Variants in ME1 observed in about 807,000 individuals in gnomAD.
ME1 encodes NADP-dependent malic enzyme.
ME1 carries 74 observed loss-of-function variants against 66.4 expected under a neutral mutation model. The observed-to-expected ratio is 1.11, with a 90% CI of 0.92 to 1.35. The LOEUF (loss-of-function observed/expected upper bound fraction) is 1.35. ME1 is among the 40% of genes most tolerant of loss of function. The probability of loss-of-function intolerance (pLI) is 0.00; values close to 1 mark genes in which losing one functional copy is unlikely to be tolerated. For missense variants in ME1, 750 were observed against 694.1 expected (o/e 1.08, Z -0.90); for synonymous variants, 251 against 235.6 (o/e 1.07, Z -0.60).
At chr6:83,406,406 A>G (rs1769944588) in intron 2 of ME1, among the ~76,000 whole-genome samples, 2 of 152,198 alleles carry the variant, frequency 1.3e-5, no homozygotes, top group African/African-American at 4.8e-5. Context: ...AAGGAATGGT[A>G]CCAGCTCCTC....
At chr6:83,404,993 C>T (rs1203698378) in intron 2 of ME1, among the ~76,000 whole-genome samples, 1 of 152,154 alleles carries the variant, frequency 6.6e-6, no homozygotes, top group Non-Finnish European at 1.5e-5. Flanking sequence ...TATGCAGGCT[C>T]TTCTTTGGTT....
chr6:83,409,050 A>G (rs1339206847), intron 1 of ME1, among the ~76,000 whole-genome samples: 1 of 152,128 alleles, frequency 6.6e-6, no homozygotes, highest in African/African-American at 2.4e-5. Flanking sequence ...GGTACCTCAG[A>G]GAGCTTTTCA....
chr6:83,316,445 T>C (rs1251298143), intron 5 of ME1, among the ~76,000 whole-genome samples: 2 of 152,108 alleles, frequency 1.3e-5, no homozygotes, highest in African/African-American at 2.4e-5. Context: ...AGGACATCTA[T>C]GAAAATCCCA....
intron 5 of ME1, among the ~76,000 whole-genome samples, chr6:83,324,279 T>C (rs1768239169): frequency 6.6e-6 from 1 of 151,068 alleles, no homozygotes; most frequent in Non-Finnish European, 1.5e-5. Context: ...TTAAAAGAAC[T>C]AGAGAAGCAA....
chr6:83,374,125 G>A (rs9765912), intron 3 of ME1, among the ~76,000 whole-genome samples: 1 of 152,148 alleles, frequency 6.6e-6, no homozygotes, highest in South Asian at 2.1e-4. Context: ...CCAGAAAAGG[G>A]ATTGCTGGGT....
chr6:83,429,596 TAAAG>T (rs930839049), intron 1 of ME1, among the ~76,000 whole-genome samples: 1 of 152,202 alleles, frequency 6.6e-6, no homozygotes, highest in African/African-American at 2.4e-5. Flanking sequence ...AAATTTATTT[TAAAG>T]AAAGAAATAA....
intron 9 of ME1, among the ~76,000 whole-genome samples, chr6:83,231,375 A>C (rs1790303292): frequency 6.6e-6 from 1 of 152,216 alleles, no homozygotes; most frequent in African/African-American, 2.4e-5. Flanking sequence ...TATGACTTAC[A>C]AGTGCTGAAA....
intron 1 of ME1, among the ~76,000 whole-genome samples, chr6:83,408,776 G>A (rs759741865): frequency 2.6e-5 from 4 of 152,168 alleles, no homozygotes; most frequent in Admixed American, 6.5e-5. Flanking sequence ...TTGGGATAAG[G>A]AGTCCCTCTG....
chr6:83,429,843 A>T (rs1244650056), intron 1 of ME1, among the ~76,000 whole-genome samples: 1 of 152,208 alleles, frequency 6.6e-6, no homozygotes, highest in Non-Finnish European at 1.5e-5. Context: ...CCAAAGAGAC[A>T]ACCAAAATAA....
chr6:83,398,772 C>G (rs532923450), intron 2 of ME1, among the ~76,000 whole-genome samples: 187 of 152,132 alleles, frequency 1.2e-3, no homozygotes, highest in African/African-American at 4.4e-3. Context: ...GAGTTCAAGA[C>G]CAGCCTGGCC....
intron 5 of ME1, among the ~76,000 whole-genome samples, chr6:83,326,074 C>T (rs1446282732): frequency 3.3e-5 from 5 of 151,974 alleles, no homozygotes; most frequent in Admixed American, 2.6e-4. Flanking sequence ...TGGAACAGAA[C>T]AGAGGCCTCA....
intron 3 of ME1, among the ~76,000 whole-genome samples, chr6:83,385,909 C>CT (rs902273041): frequency 1.3e-5 from 2 of 151,706 alleles, no homozygotes; most frequent in African/African-American, 4.9e-5. Context: ...AAATCATCAT[C>CT]TATATCTCTA....
intron 1 of ME1, among the ~76,000 whole-genome samples, chr6:83,421,332 C>T (rs564534210): frequency 7.2e-5 from 11 of 152,160 alleles, no homozygotes; most frequent in Non-Finnish European, 1.2e-4. Flanking sequence ...TTTTCTTCTC[C>T]GAACTTAAAA....
intron 6 of ME1, among the ~76,000 whole-genome samples, chr6:83,270,323 C>A (rs1275536580): frequency 6.6e-6 from 1 of 152,084 alleles, no homozygotes; most frequent in Non-Finnish European, 1.5e-5. Context: ...AGCTAAACTG[C>A]ACAACAAATC....
chr6:83,213,909 G>GA (rs939231772), intron 13 of ME1, among the ~76,000 whole-genome samples: 6 of 151,468 alleles, frequency 4.0e-5, no homozygotes, highest in Admixed American at 3.3e-4. Flanking sequence ...ACAAACACAG[G>GA]AAAAAAAATA....
intron 12 of ME1, among the ~76,000 whole-genome samples, chr6:83,218,159 C>A (rs904624835): frequency 6.6e-6 from 1 of 152,136 alleles, no homozygotes; most frequent in South Asian, 2.1e-4. Context: ...AACTATTCCA[C>A]ACTATCAGGA....
intron 1 of ME1, among the ~76,000 whole-genome samples, chr6:83,425,643 C>T (rs553807871): frequency 1.3e-5 from 2 of 152,146 alleles, no homozygotes; most frequent in East Asian, 3.9e-4. Context: ...CCTCCCACAA[C>T]ACATGGGGAT....
chr6:83,356,188 G>T (rs764976262), intron 3 of ME1, among the ~76,000 whole-genome samples: 1 of 152,044 alleles, frequency 6.6e-6, no homozygotes, highest in Admixed American at 6.5e-5. Flanking sequence ...ATAAGTTTAT[G>T]ACCCTGATCC....
intron 5 of ME1, among the ~76,000 whole-genome samples, chr6:83,327,862 C>T (rs898430869): frequency 2.0e-5 from 3 of 152,092 alleles, no homozygotes; most frequent in Non-Finnish European, 2.9e-5. Flanking sequence ...ATGTCTCCCC[C>T]GGATGCCCAG....
Sources: gnomAD v4.1 joint callset for allele counts (sites outside exome capture counted in the v4.1 genomes callset) on GRCh38, gnomAD v4.1.1 for gene constraint, MANE v1.5 for transcripts, NCBI Gene and HGNC (gene_info 2026-07-23, HGNC 2026-07-21) for gene names.